The following EPHA6 variants were observed in gnomAD, a reference collection of about 807,000 sequenced individuals.
EPHA6 encodes ephrin type-A receptor 6.
EPHA6 carries 50 observed loss-of-function variants against 112.0 expected under a neutral mutation model. The ratio of observed to expected loss-of-function variants is 0.45; its 90% CI spans 0.36 to 0.56. EPHA6 has a LOEUF of 0.56. Ranked by LOEUF, EPHA6 falls within the 20% of genes least tolerant of loss-of-function variation. EPHA6 has a pLI of 0.00. For missense variants in EPHA6, 1,280 were observed against 1,417.4 expected (o/e 0.90, Z 1.56); for synonymous variants, 529 against 490.7 (o/e 1.08, Z -1.03).
chr3:97,677,009 T>A (rs2031450029), intron 14 of EPHA6, among the ~76,000 whole-genome samples: 1 of 152,196 alleles, frequency 6.6e-6, no homozygotes, highest in Admixed American at 6.5e-5. Context: ...CTTGGAAATG[T>A]GACTTGAGCA....
intron 3 of EPHA6, among the ~76,000 whole-genome samples, chr3:97,081,810 T>C (rs2046729178): frequency 6.6e-6 from 1 of 151,298 alleles, no homozygotes; most frequent in Non-Finnish European, 1.5e-5. Flanking sequence ...TAAAATAATA[T>C]TTAAAATATT....
intron 11 of EPHA6, among the ~76,000 whole-genome samples, chr3:97,556,431 G>C (rs1395806421): frequency 6.6e-6 from 1 of 152,006 alleles, no homozygotes; most frequent in Admixed American, 6.6e-5. Flanking sequence ...GAAACTTACA[G>C]TCATGACAGG....
At chr3:97,671,662 T>C (rs2030840785) in intron 14 of EPHA6, among the ~76,000 whole-genome samples, 1 of 152,196 alleles carries the variant, frequency 6.6e-6, no homozygotes, top group South Asian at 2.1e-4. Context: ...ATTGTTTGCA[T>C]GGAAAATGGT....
intron 3 of EPHA6, among the ~76,000 whole-genome samples, chr3:96,990,253 A>G (rs895321945): frequency 1.3e-5 from 2 of 152,124 alleles, no homozygotes; most frequent in Non-Finnish European, 2.9e-5. Context: ...GTGAAATTTT[A>G]TTCTTATTTA....
At chr3:96,845,322 T>C (rs571818473) in intron 1 of EPHA6, among the ~76,000 whole-genome samples, 1 of 152,136 alleles carries the variant, frequency 6.6e-6, no homozygotes, top group Admixed American at 6.6e-5. Flanking sequence ...TGGTGAGCAG[T>C]TGTGCTGGGG....
chr3:97,131,111 C>T (rs975404212), intron 3 of EPHA6, among the ~76,000 whole-genome samples: 2 of 151,914 alleles, frequency 1.3e-5, no homozygotes, highest in East Asian at 1.9e-4. Flanking sequence ...AAAAAGAACT[C>T]GTATTTAGAA....
intron 3 of EPHA6, among the ~76,000 whole-genome samples, chr3:97,092,399 C>T (rs2047100300): frequency 6.6e-6 from 1 of 152,066 alleles, no homozygotes; most frequent in East Asian, 1.9e-4. Context: ...GGATACCCCT[C>T]CCTAAACTCC....
chr3:97,449,483 A>T (rs530266443), intron 7 of EPHA6, among the ~76,000 whole-genome samples: 8 of 152,122 alleles, frequency 5.3e-5, no homozygotes, highest in Non-Finnish European at 1.0e-4. Flanking sequence ...CAATAAAAGT[A>T]AATTTATTAT....
Position 96,987,827 on chromosome 3 carries a change from A to G in EPHA6, c.948A>G (p.Pro316=), listed in dbSNP as rs2043077656. The G allele has an allele frequency of 1.2e-6, 2 of 1,613,910 alleles. No individual in the cohort carries two copies. Among genetic ancestry groups the G allele is most frequent in the Non-Finnish European group, 1.7e-6 (2 of 1,179,860 alleles). The change falls in exon 3 of 18, where the codon CCA becomes CCG. Residue 316 remains proline, a synonymous_variant. Transcript: ENST00000389672. ...TGGCCATGTTTCCTGATACCATTCC[A>G]AGGGTTGATTCCTCCTCTTTGGTTG... ...RNLAMFPDTI[P]RVDSSSLVEV...
chr3:97,475,368 A>C lies in EPHA6; in HGVS notation c.1911A>C (p.Ala637=). The C allele has an allele frequency of 6.2e-7, 1 of 1,610,714 alleles. No homozygotes were observed. The highest frequency in any genetic ancestry group is 8.5e-7 in the Non-Finnish European group (1 of 1,178,254). Residue 637 remains alanine (A), a synonymous_variant, in exon 8 of 18, where the codon GCA becomes GCC. Transcript: ENST00000389672. ...ETGDETSDMA[A]EQGQILVIAT... ...CTGTTTCAGCTTCTGACATGGCAGC[A>C]GAACAAGGACAGATTCTCGTGATAG...
Position 97,749,247 on chromosome 3 carries a change from G to C in EPHA6, c.*546G>C, listed in dbSNP as rs935336985. 4.6e-6 allele frequency: 1 copy of C among 216,910 alleles called. No individual in the cohort carries two copies. The highest frequency in any genetic ancestry group is 2.2e-5 in the African/African-American group (1 of 44,458). 13.4% of individuals were successfully genotyped at this position (216,910 alleles called of 1,614,324 possible). A position where few individuals can be genotyped will look rare whatever the true frequency, so the allele number is the denominator to read the frequency against. ...TTAGAATTATTTGCAGAAATGACCA[G>C]TGATATCATGTAATGAATTTTTGTG... On this transcript the variant is annotated 3_prime_UTR_variant, in exon 18 of 18. Coordinates refer to ENST00000389672, the MANE Select transcript of EPHA6 (RefSeq NM_001080448.3).
At position 97,524,257 on chromosome 3, in the gene EPHA6, G is replaced by A. The variant is rs772449898; in HGVS notation, c.2201-8101G>A. Among the ~76,000 whole-genome samples, 3 of 151,758 alleles carry A rather than the reference G, an allele frequency of 2.0e-5. No homozygotes were observed. The South Asian group carries it at 6.2e-4, about 32-fold the overall frequency. Reference sequence around the variant, plus strand: ...CTTCATATTTTGTATATCTGCCAGAGGTTTTTCATTATAGTTATCATGAGG... The same window carrying A: ...CTTCATATTTTGTATATCTGCCAGAAGTTTTTCATTATAGTTATCATGAGG... On this transcript the variant is annotated intron_variant, in intron 10 of 17. Transcript: ENST00000389672.
intron 3 of EPHA6, among the ~76,000 whole-genome samples, chr3:97,189,405 T>C (rs1340235523): frequency 6.6e-6 from 1 of 152,070 alleles, no homozygotes; most frequent in Non-Finnish European, 1.5e-5. Flanking sequence ...TGAAATAAAA[T>C]TATTTTTGCT....
At chr3:97,186,437 C>T (rs1364950099) in intron 3 of EPHA6, among the ~76,000 whole-genome samples, 1 of 152,104 alleles carries the variant, frequency 6.6e-6, no homozygotes, top group Non-Finnish European at 1.5e-5. Flanking sequence ...AACTCTTGAT[C>T]TTGTTGAGAT....
intron 2 of EPHA6, among the ~76,000 whole-genome samples, chr3:96,912,571 G>A (rs2039272463): frequency 6.6e-6 from 1 of 152,132 alleles, no homozygotes; most frequent in South Asian, 2.1e-4. Flanking sequence ...CAGGCAAAAA[G>A]TGGAAAGGCA....
chr3:97,299,970 TTATAG>T (rs371650738), intron 5 of EPHA6, among the ~76,000 whole-genome samples: 91 of 152,302 alleles, frequency 6.0e-4, no homozygotes, highest in African/African-American at 2.1e-3. Context: ...TGTTTCATTC[TTATAG>T]TATAATAGGA....
At chr3:97,522,078 C>A (rs971787134) in intron 10 of EPHA6, among the ~76,000 whole-genome samples, 1 of 151,944 alleles carries the variant, frequency 6.6e-6, no homozygotes, top group Non-Finnish European at 1.5e-5. Context: ...TGCCACTACA[C>A]CCAGTTATTT....
chr3:97,589,893 G>C (rs955598504), intron 11 of EPHA6, among the ~76,000 whole-genome samples: 3 of 152,052 alleles, frequency 2.0e-5, no homozygotes, highest in Non-Finnish European at 4.4e-5. Context: ...CAATATCATT[G>C]AATAATAAAT....
At chr3:97,498,252 T>C (rs1280394673) in intron 10 of EPHA6, among the ~76,000 whole-genome samples, 4 of 148,520 alleles carry the variant, frequency 2.7e-5, no homozygotes, top group African/African-American at 1.0e-4. Context: ...GAGCTCTGCC[T>C]AGTGAGAAGC....
Sources: gnomAD v4.1 joint callset for allele counts (sites outside exome capture counted in the v4.1 genomes callset) on GRCh38, gnomAD v4.1.1 for gene constraint, MANE v1.5 for transcripts, NCBI Gene and HGNC (gene_info 2026-07-23, HGNC 2026-07-21) for gene names.